The following PSPC1 variants were observed in gnomAD, a reference collection of about 807,000 sequenced individuals.
PSPC1 encodes the protein paraspeckle component 1.
Under a neutral mutation model 51.6 loss-of-function variants are expected in PSPC1, and 14 were observed. The observed-to-expected ratio is 0.27, with a 90% CI of 0.18 to 0.42. The LOEUF is 0.42. Ranked by LOEUF, PSPC1 falls within the 10% of genes least tolerant of loss-of-function variation. The pLI, the probability that PSPC1 is intolerant of heterozygous loss-of-function variation, is 1.00. For synonymous variants in PSPC1, 193 were observed against 231.9 expected, an observed-to-expected ratio of 0.83 and a Z score of 1.53; for missense variants, 406 against 701.1, an observed-to-expected ratio of 0.58 and a Z score of 4.75.
At chr13:19,674,040 G>A (rs1183116995), downstream of PSPC1, among the ~76,000 whole-genome samples, 6 of 152,214 alleles carry the variant, frequency 3.9e-5, no homozygotes, top group South Asian at 1.0e-3. Context: ...TCGTGGCCTA[G>A]GACATAGGTG....
intron 6 of PSPC1, among the ~76,000 whole-genome samples, chr13:19,712,400 TTTA>T (rs1881554141): frequency 6.6e-6 from 1 of 152,190 alleles, no homozygotes; most frequent in Non-Finnish European, 1.5e-5. Flanking sequence ...AACAATCTTT[TTTA>T]TTGTCTCTTT....
At chr13:19,725,341 G>A (rs1883251630) in intron 6 of PSPC1, among the ~76,000 whole-genome samples, 1 of 152,070 alleles carries the variant, frequency 6.6e-6, no homozygotes, top group African/African-American at 2.4e-5. Context: ...GGAATATGAG[G>A]TACTGTGCTC....
intron 8 of PSPC1, among the ~76,000 whole-genome samples, chr13:19,703,995 C>T (rs1565975165): frequency 6.6e-6 from 1 of 152,174 alleles, no homozygotes; most frequent in Non-Finnish European, 1.5e-5. Flanking sequence ...TTTTGAAAAA[C>T]TTCACAATAA....
intron 4 of PSPC1, among the ~76,000 whole-genome samples, chr13:19,746,721 T>C (rs1886030166): frequency 6.6e-6 from 1 of 151,878 alleles, no homozygotes; most frequent in Non-Finnish European, 1.5e-5. Context: ...TTTTTTTTAA[T>C]GTAATGGGAG....
chr13:19,704,913 T>C (rs1880455904), intron 8 of PSPC1, among the ~76,000 whole-genome samples: 1 of 152,200 alleles, frequency 6.6e-6, no homozygotes, highest in South Asian at 2.1e-4. Context: ...ACTTTAATGT[T>C]AATTTACAGC....
At chr13:19,773,922 T>C (rs766996479) in intron 1 of PSPC1, among the ~76,000 whole-genome samples, 1 of 152,148 alleles carries the variant, frequency 6.6e-6, no homozygotes, top group Non-Finnish European at 1.5e-5. Flanking sequence ...CCTCCCAAAG[T>C]GTAAGATTAC....
intron 1 of PSPC1, among the ~76,000 whole-genome samples, chr13:19,779,989 C>T (rs1593798355): frequency 6.9e-6 from 1 of 145,302 alleles, no homozygotes; most frequent in African/African-American, 2.5e-5. Context: ...CGGCCAGCCG[C>T]CCCGTCCGGG....
chr13:19,687,797 T>C (rs1209355182), intron 6 of PSPC1, among the ~76,000 whole-genome samples: 1 of 152,130 alleles, frequency 6.6e-6, no homozygotes, highest in Non-Finnish European at 1.5e-5. Flanking sequence ...CCACTGCCAA[T>C]CCCTAGGTAT....
chr13:19,695,159 T>C (rs1221235055), intron 6 of PSPC1, among the ~76,000 whole-genome samples: 1 of 152,256 alleles, frequency 6.6e-6, no homozygotes, highest in Non-Finnish European at 1.5e-5. Context: ...TAGTCTTCTA[T>C]ATCATTCAAG....
intron 1 of PSPC1, among the ~76,000 whole-genome samples, chr13:19,777,739 A>G (rs144709870): frequency 0.032 from 4,813 of 152,060 alleles, 86 homozygotes; most frequent in Middle Eastern, 0.075. Flanking sequence ...CAAGGTGAGG[A>G]GTTTCAGACC....
intron 2 of PSPC1, among the ~76,000 whole-genome samples, chr13:19,766,788 G>C (rs1000620907): frequency 6.6e-6 from 1 of 150,530 alleles, no homozygotes; most frequent in Non-Finnish European, 1.5e-5. Context: ...CTAGCAGGTT[G>C]AGGCTGCAAC....
chr13:19,693,394 A>G (rs926527647), intron 6 of PSPC1, among the ~76,000 whole-genome samples: 3 of 152,220 alleles, frequency 2.0e-5, no homozygotes, highest in Non-Finnish European at 2.9e-5. Flanking sequence ...CAAAAGGACC[A>G]TATTTTGTTC....
chr13:19,742,658 G>C (rs138615593), intron 4 of PSPC1, among the ~76,000 whole-genome samples: 1 of 152,292 alleles, frequency 6.6e-6, no homozygotes, highest in African/African-American at 2.4e-5. Flanking sequence ...AGAATCACTT[G>C]AATATGGGAG....
chr13:19,697,839 T>A (rs1341310829), downstream of PSPC1, among the ~76,000 whole-genome samples: 1 of 152,108 alleles, frequency 6.6e-6, no homozygotes, highest in African/African-American at 2.4e-5. Flanking sequence ...TATCTAATAA[T>A]GTAAAAATAT....
chr13:19,727,102 G>T (rs1246207966), intron 6 of PSPC1, among the ~76,000 whole-genome samples: 1 of 152,160 alleles, frequency 6.6e-6, no homozygotes. Context: ...ACAAGAAAAA[G>T]AAACTTCTCA....
At chr13:19,722,224 C>T (rs2137861620) in intron 6 of PSPC1, among the ~76,000 whole-genome samples, 1 of 152,286 alleles carries the variant, frequency 6.6e-6, no homozygotes, top group South Asian at 2.1e-4. Context: ...GGACCAGGTG[C>T]AGTGGCTCAC....
At chr13:19,678,671 C>G in intron 6 of PSPC1, 1 of 152,142 alleles carries the variant, frequency 6.6e-6, no homozygotes. Context: ...GACAAGACTG[C>G]CTGCAAGTAA....
intron 3 of PSPC1, among the ~76,000 whole-genome samples, chr13:19,751,862 C>A (rs1226069900): frequency 1.3e-5 from 2 of 152,080 alleles, no homozygotes; most frequent in Non-Finnish European, 1.5e-5. Flanking sequence ...TCAAGACCAT[C>A]CTGGCTAACG....
intron 5 of PSPC1, among the ~76,000 whole-genome samples, chr13:19,731,236 A>G (rs1884071807): frequency 6.6e-6 from 1 of 152,206 alleles, no homozygotes; most frequent in Admixed American, 6.5e-5. Context: ...ATTACTGTCT[A>G]TGGTTACTTT....
Sources: gnomAD v4.1 joint callset for allele counts (sites outside exome capture counted in the v4.1 genomes callset) on GRCh38, gnomAD v4.1.1 for gene constraint, MANE v1.5 for transcripts, NCBI Gene and HGNC (gene_info 2026-07-23, HGNC 2026-07-21) for gene names.